The following SHANK2 variants were observed in gnomAD, a reference collection of about 807,000 sequenced individuals.
SHANK2 encodes SH3 and multiple ankyrin repeat domains protein 2.
SHANK2 carries 43 observed loss-of-function variants against 133.7 expected under a neutral mutation model. That is an observed-to-expected ratio of 0.32 (90% CI 0.25 to 0.41). The LOEUF is 0.41. Ranked by LOEUF, SHANK2 falls within the 10% of genes least tolerant of loss-of-function variation. The probability of loss-of-function intolerance (pLI) is 1.00; values close to 1 mark genes in which losing one functional copy is unlikely to be tolerated. For missense variants in SHANK2, 1,994 were observed against 2,235.8 expected (o/e 0.89, Z 2.18); for synonymous variants, 1,017 against 952.8 (o/e 1.07, Z -1.24).
intron 14 of SHANK2, among the ~76,000 whole-genome samples, chr11:70,733,507 T>A (rs1487259821): frequency 7.9e-5 from 12 of 152,246 alleles, no homozygotes; most frequent in African/African-American, 2.9e-4. Context: ...AACCCAGGGC[T>A]GCTGCCTGCT....
chr11:70,939,947 A>C (rs1555084073), intron 10 of SHANK2, among the ~76,000 whole-genome samples: 2 of 152,132 alleles, frequency 1.3e-5, no homozygotes, highest in East Asian at 3.9e-4. Context: ...GCAGAAGAGA[A>C]GGTAATGTGA....
intron 14 of SHANK2, among the ~76,000 whole-genome samples, chr11:70,770,577 C>T (rs571186305): frequency 1.9e-4 from 29 of 152,320 alleles, no homozygotes; most frequent in African/African-American, 4.8e-4. Context: ...CTCTCTAAAA[C>T]GGGTCCTCAG....
chr11:70,734,505 A>AG (rs1295154059), intron 14 of SHANK2, among the ~76,000 whole-genome samples: 1 of 152,164 alleles, frequency 6.6e-6, no homozygotes, highest in Non-Finnish European at 1.5e-5. Context: ...CACCAACCAC[A>AG]GGCAGAGTCC....
chr11:70,683,574 AG>A (rs1555018836), intron 15 of SHANK2, among the ~76,000 whole-genome samples: 2 of 152,192 alleles, frequency 1.3e-5, no homozygotes. Context: ...ACAGCGCTGG[AG>A]GCCAGAGGTG....
chr11:70,663,784 C>T (rs1944628104), intron 15 of SHANK2, among the ~76,000 whole-genome samples: 1 of 152,210 alleles, frequency 6.6e-6, no homozygotes, highest in African/African-American at 2.4e-5. Context: ...CCCACTTACC[C>T]TGCTCAGGGC....
chr11:71,222,306 T>C (rs1177399552), intron 2 of SHANK2, among the ~76,000 whole-genome samples: 3 of 152,168 alleles, frequency 2.0e-5, no homozygotes, highest in African/African-American at 7.2e-5. Flanking sequence ...CAGACAAGTT[T>C]TTCCTTCTCT....
intron 3 of SHANK2, among the ~76,000 whole-genome samples, chr11:71,128,797 T>C (rs1165015285): frequency 2.6e-5 from 4 of 152,158 alleles, no homozygotes; most frequent in Non-Finnish European, 5.9e-5. Flanking sequence ...CAGGGGTTTC[T>C]TTTTTTGAGT....
intron 17 of SHANK2, among the ~76,000 whole-genome samples, chr11:70,605,077 C>G (rs368229215): frequency 6.6e-5 from 10 of 152,360 alleles, no homozygotes; most frequent in African/African-American, 2.4e-4. Context: ...TGCAGCAGCC[C>G]TCCGAGGATG....
intron 3 of SHANK2, among the ~76,000 whole-genome samples, chr11:71,128,952 T>C (rs1952240760): frequency 2.0e-5 from 3 of 152,158 alleles, no homozygotes; most frequent in Admixed American, 2.0e-4. Context: ...GCCCGGCTAA[T>C]TTTTGTATTT....
intron 11 of SHANK2, among the ~76,000 whole-genome samples, chr11:70,852,759 C>T (rs902291102): frequency 6.6e-6 from 1 of 152,218 alleles, no homozygotes; most frequent in African/African-American, 2.4e-5. Context: ...AGGAGAATCG[C>T]TTGAACCCAG....
intron 8 of SHANK2, among the ~76,000 whole-genome samples, chr11:71,091,231 C>T (rs1167367279): frequency 1.3e-5 from 2 of 151,960 alleles, no homozygotes; most frequent in Admixed American, 1.3e-4. Context: ...GGGTGTGGGC[C>T]GGGGGCTGCC....
chr11:70,881,178 C>A (rs146371167), intron 11 of SHANK2, among the ~76,000 whole-genome samples: 2 of 152,288 alleles, frequency 1.3e-5, no homozygotes, highest in African/African-American at 2.4e-5. Context: ...GTTGGGATTA[C>A]AGGCCTGCAC....
chr11:70,640,151 G>A (rs117404503), intron 17 of SHANK2, among the ~76,000 whole-genome samples: 2,381 of 152,316 alleles, frequency 0.016, 30 homozygotes, highest in Non-Finnish European at 0.024. Context: ...CCTAATCTCC[G>A]GAACTGAGAA....
chr11:70,747,011 T>TC, intron 14 of SHANK2, among the ~76,000 whole-genome samples: 1 of 111,936 alleles, frequency 8.9e-6, no homozygotes, highest in East Asian at 3.1e-4. Flanking sequence ...ACCCCTGTAC[T>TC]CCCCTCCCTC....
intron 17 of SHANK2, among the ~76,000 whole-genome samples, chr11:70,646,930 G>C (rs781817138): frequency 3.3e-5 from 5 of 151,378 alleles, no homozygotes; most frequent in African/African-American, 1.2e-4. Context: ...GCACAATCTC[G>C]GCTCACTGCA....
rs1417070779 is a variant in SHANK2 at position 70,882,937 on chromosome 11, C to T, written c.1174+13564G>A. The stretch of plus-strand genomic sequence containing the variant: ...GGCAGGAGGCAGGTGGAGGTGAGGG[C>T]GGGCTTGCCTGCGGCCTGTGGGAGG... On this transcript the variant is annotated intron_variant, in intron 11 of 25. Transcript: ENST00000601538. This position sits in a 1 kb window ranked among gnomAD's most constrained non-coding sequence, Gnocchi z 4.2. Among the ~76,000 whole-genome samples the T allele has an allele frequency of 2.6e-5, 4 of 152,136 alleles. No homozygotes were observed. Among genetic ancestry groups the T allele is most frequent in the African/African-American group, 9.6e-5 (4 of 41,490 alleles).
intron 11 of SHANK2, among the ~76,000 whole-genome samples, chr11:70,860,261 C>T (rs373891246): frequency 2.2e-4 from 34 of 152,262 alleles, no homozygotes; most frequent in Admixed American, 1.6e-3. Flanking sequence ...TACTTGGGTG[C>T]GGGGGATTTT....
chr11:70,800,799 A>G (rs1180980016), intron 13 of SHANK2, among the ~76,000 whole-genome samples: 1 of 152,222 alleles, frequency 6.6e-6, no homozygotes, highest in Non-Finnish European at 1.5e-5. Context: ...ATCTCAGAGC[A>G]GTAACCCCGG....
intron 14 of SHANK2, among the ~76,000 whole-genome samples, chr11:70,793,011 G>A (rs1947828028): frequency 6.6e-6 from 1 of 152,080 alleles, no homozygotes. Flanking sequence ...AGCCCTGATG[G>A]CACCACTGCA....
Sources: gnomAD v4.1 joint callset for allele counts (sites outside exome capture counted in the v4.1 genomes callset) on GRCh38, gnomAD v4.1.1 for gene constraint, Gnocchi (gnomAD v3.1) non-coding constraint, MANE v1.5 for transcripts, NCBI Gene and HGNC (gene_info 2026-07-23, HGNC 2026-07-21) for gene names.